Variants in DMC1 observed in about 807,000 individuals in gnomAD.
The protein encoded by DMC1 is meiotic recombination protein DMC1 homolog.
A neutral mutation model predicts 50.1 loss-of-function variants in DMC1; 27 were observed. The observed-to-expected ratio is 0.54, with a 90% confidence interval of 0.40 to 0.74. DMC1 has a LOEUF of 0.74. Among genes scored for constraint, DMC1 ranks in the 30% least tolerant of loss-of-function variants. The pLI, the probability that DMC1 is intolerant of heterozygous loss-of-function variation, is 0.00. For missense variants in DMC1, 295 were observed against 420.2 expected (o/e 0.70, Z 2.60); for synonymous variants, 148 against 136.1 (o/e 1.09, Z -0.61).
chr22:38,524,292 C>T (rs775037699), intron 12 of DMC1, among the ~76,000 whole-genome samples: 2 of 151,954 alleles, frequency 1.3e-5, no homozygotes, highest in Non-Finnish European at 2.9e-5. Flanking sequence ...CGTGCACCTG[C>T]AGTCCCAGCT....
At chr22:38,535,961 A>G (rs1313388863) in intron 12 of DMC1, among the ~76,000 whole-genome samples, 1 of 150,510 alleles carries the variant, frequency 6.6e-6, no homozygotes, top group African/African-American at 2.4e-5. Context: ...GGGCTCACAC[A>G]TGTAATCCTA....
chr22:38,562,241 A>G, intron 5 of DMC1, 46 bp downstream of exon 5: 1 of 1,189,006 alleles, frequency 8.4e-7, no homozygotes. Flanking sequence ...GAAACATGGT[A>G]TTCCAAAGAT....
At chr22:38,524,336 C>G (rs1044039739) in intron 12 of DMC1, among the ~76,000 whole-genome samples, 1 of 152,168 alleles carries the variant, frequency 6.6e-6, no homozygotes, top group Non-Finnish European at 1.5e-5. Context: ...ATCACTTGAA[C>G]CCAGGAGGCA....
At chr22:38,533,351 G>A (rs1019868441) in intron 12 of DMC1, among the ~76,000 whole-genome samples, 25 of 145,056 alleles carry the variant, frequency 1.7e-4, no homozygotes, top group African/African-American at 5.5e-4. Context: ...AGCCGAGATC[G>A]CGCCATTGCA....
At chr22:38,552,574 G>T in intron 7 of DMC1, 92 bp downstream of exon 7, 2 of 970,160 alleles carry the variant, frequency 2.1e-6, no homozygotes, top group Non-Finnish European at 3.3e-6. Context: ...AGTATGTTCA[G>T]ATATGAGATT....
chr22:38,550,212 A>C (rs959813327), intron 7 of DMC1, among the ~76,000 whole-genome samples: 9 of 152,166 alleles, frequency 5.9e-5, no homozygotes, highest in African/African-American at 2.2e-4. Flanking sequence ...TCAACAAATA[A>C]TTTCACTATC....
At chr22:38,528,690 G>A (rs1320426898) in intron 12 of DMC1, among the ~76,000 whole-genome samples, 1 of 152,060 alleles carries the variant, frequency 6.6e-6, no homozygotes, top group Admixed American at 6.6e-5. Context: ...GGAGGCTGAG[G>A]TGGGAGGATC....
chr22:38,540,711 C>T (rs538610926), intron 8 of DMC1, among the ~76,000 whole-genome samples: 1 of 152,236 alleles, frequency 6.6e-6, no homozygotes, highest in East Asian at 1.9e-4. Flanking sequence ...GCTTTGGTGA[C>T]AGCCACAAAA....
intron 7 of DMC1, among the ~76,000 whole-genome samples, chr22:38,550,512 C>T (rs1276171156): frequency 6.6e-6 from 1 of 151,046 alleles, no homozygotes; most frequent in Admixed American, 6.6e-5. Flanking sequence ...TGGGGTTTCA[C>T]CATGTTGGCC....
In DMC1 at chr22:38,566,689, G is replaced by T. The variant is rs149919053; in HGVS notation, c.144C>A (p.Ile48=). The T allele has an allele frequency of 8.7e-6, 14 of 1,612,478 alleles. No individual in the cohort carries two copies. Among genetic ancestry groups the T allele is most frequent in the Non-Finnish European group, 1.2e-5 (14 of 1,178,638 alleles). The part of the protein sequence containing the change: ...KKLKSVGICT[I]KGIQMTTRRA... ...TTCTTGTTGTCATCTGTATACCTTT[G>T]ATGGTACAGATTCCTACTGATTTCA... Residue 48 remains isoleucine, a synonymous_variant, in exon 4 of 14, where the codon ATC becomes ATA. Transcript: ENST00000216024.
intron 8 of DMC1, among the ~76,000 whole-genome samples, chr22:38,547,791 A>G (rs1371284130): frequency 6.6e-6 from 1 of 151,982 alleles, no homozygotes; most frequent in Non-Finnish European, 1.5e-5. Context: ...CACCCGCCTC[A>G]GCCTCCCAAA....
intron 12 of DMC1, among the ~76,000 whole-genome samples, chr22:38,530,753 T>C (rs899926992): frequency 1.3e-5 from 2 of 152,166 alleles, no homozygotes; most frequent in Admixed American, 6.6e-5. Flanking sequence ...TCTTAATTTA[T>C]GCTAATGATG....
At chr22:38,538,489 AAAATATT>A in intron 10 of DMC1, 43 bp downstream of exon 10, 1 of 1,606,354 alleles carries the variant, frequency 6.2e-7, no homozygotes, top group Non-Finnish European at 8.5e-7. Context: ...CAATAGAAGA[AAAATATT>A]ATGCTAAATA....
intron 12 of DMC1, among the ~76,000 whole-genome samples, chr22:38,528,432 T>G (rs1457676018): frequency 6.6e-6 from 1 of 152,028 alleles, no homozygotes; most frequent in African/African-American, 2.4e-5. Flanking sequence ...TTACATACAT[T>G]TGTTCTATCC....
chr22:38,553,423 G>A (rs537503521), intron 6 of DMC1, among the ~76,000 whole-genome samples: 80 of 149,554 alleles, frequency 5.3e-4, no homozygotes, highest in South Asian at 1.5e-3. Context: ...GTGTGAACTC[G>A]GGAGGCGGAG....
At chr22:38,561,991 A>T (rs2090532249) in intron 5 of DMC1, among the ~76,000 whole-genome samples, 1 of 152,218 alleles carries the variant, frequency 6.6e-6, no homozygotes, top group Non-Finnish European at 1.5e-5. Context: ...CATCCTTCAT[A>T]TGGAGAAGGA....
At chr22:38,517,178 G>A (rs114287620), downstream of DMC1, among the ~76,000 whole-genome samples, 1,407 of 152,304 alleles carry the variant, frequency 9.2e-3, 15 homozygotes, top group African/African-American at 0.032. Flanking sequence ...GTTAGTTTGC[G>A]CATCAAAGGC....
At chr22:38,552,632 G>C in intron 7 of DMC1, 34 bp downstream of exon 7, 3 of 1,426,562 alleles carry the variant, frequency 2.1e-6, no homozygotes, top group Non-Finnish European at 3.0e-6. Context: ...TAATAGCCAT[G>C]ATTATTATTG....
chr22:38,563,494 A>G (rs2090549709), intron 4 of DMC1, among the ~76,000 whole-genome samples: 1 of 152,070 alleles, frequency 6.6e-6, no homozygotes, highest in Non-Finnish European at 1.5e-5. Context: ...GTATTATGAA[A>G]TTAACTTCCT....
Sources: allele counts gnomAD v4.1 joint callset (sites outside exome capture counted in the v4.1 genomes callset), GRCh38; gene constraint gnomAD v4.1.1; transcripts MANE v1.5; gene names NCBI Gene and HGNC (gene_info 2026-07-23, HGNC 2026-07-21).